PREX1: variants seen among roughly 807,000 people sequenced by gnomAD.
The protein encoded by PREX1 is phosphatidylinositol-3,4,5-trisphosphate dependent Rac exchange factor 1.
Under a neutral mutation model 198.3 loss-of-function variants are expected in PREX1, and 41 were observed. That is an observed-to-expected ratio of 0.21 (90% confidence interval 0.16 to 0.27). PREX1 has a LOEUF of 0.27. Among genes scored for constraint, PREX1 ranks in the 10% least tolerant of loss-of-function variants. The pLI is 1.00. For missense variants in PREX1, 1,620 were observed against 2,200.7 expected (o/e 0.74, Z 5.28); for synonymous variants, 843 against 887.2 (o/e 0.95, Z 0.89).
rs143682562 is a variant in PREX1 at position 48,630,743 on chromosome 20, C to T, written c.4578G>A (p.Ala1526=). The T allele has an allele frequency of 2.8e-5, 45 of 1,597,702 alleles. No homozygotes were observed. The highest frequency in any genetic ancestry group is 2.2e-5 in the East Asian group (1 of 44,786). Reference sequence around the variant, plus strand: ...GTGGACATACCTGGTCTATCTTTACCGCCGTGGTGCTGGCATCCGTGGGCA... The same window carrying T: ...GTGGACATACCTGGTCTATCTTTACTGCCGTGGTGCTGGCATCCGTGGGCA... ...SNLPTDASTT[A]VKIDQLIRPI... Residue 1526 remains alanine, a synonymous_variant, in exon 36 of 40, where the codon GCG becomes GCA. Coordinates refer to ENST00000371941, the MANE Select transcript of PREX1 (RefSeq NM_020820.4).
intron 1 of PREX1, among the ~76,000 whole-genome samples, chr20:48,811,585 C>T (rs1466901072): frequency 1.1e-4 from 16 of 150,542 alleles, no homozygotes; most frequent in African/African-American, 1.7e-4. Context: ...CACACACACA[C>T]GTGTGCATGC....
chr20:48,639,736 C>G, intron 30 of PREX1, 30 bp downstream of exon 30: 2 of 1,610,848 alleles, frequency 1.2e-6, no homozygotes, highest in Non-Finnish European at 1.7e-6. Context: ...GCCCCCTCCC[C>G]ACCATGATGC....
chr20:48,860,443 C>T, the PREX1 span, among the ~76,000 whole-genome samples: 1 of 152,172 alleles, frequency 6.6e-6, no homozygotes, highest in Non-Finnish European at 1.5e-5. Context: ...TGGAGCTGGA[C>T]GGTGGCGAAG....
upstream of PREX1, among the ~76,000 whole-genome samples, chr20:48,829,646 C>T (rs754474446): frequency 6.6e-6 from 1 of 152,126 alleles, no homozygotes; most frequent in Non-Finnish European, 1.5e-5. Context: ...ATTTTTATTC[C>T]TAATAAAGGC....
chr20:48,657,751 G>A (rs771873708), intron 17 of PREX1, among the ~76,000 whole-genome samples: 5 of 151,826 alleles, frequency 3.3e-5, no homozygotes, highest in African/African-American at 9.7e-5. Context: ...CTGAATCCTC[G>A]GCCAGCCACA....
chr20:48,777,306 G>A (rs1169276517), intron 1 of PREX1, among the ~76,000 whole-genome samples: 2 of 152,094 alleles, frequency 1.3e-5, no homozygotes, highest in South Asian at 2.1e-4. Flanking sequence ...TGAGGCCCAG[G>A]AGCCCCCGGC....
chr20:48,637,166 G>A (rs1352536917), intron 31 of PREX1, among the ~76,000 whole-genome samples: 1 of 152,190 alleles, frequency 6.6e-6, no homozygotes, highest in East Asian at 1.9e-4. Flanking sequence ...CCTTGACCTT[G>A]GCATGGTCTG....
intron 13 of PREX1, among the ~76,000 whole-genome samples, chr20:48,676,640 C>A (rs2089711382): frequency 6.6e-6 from 1 of 152,154 alleles, no homozygotes; most frequent in South Asian, 2.1e-4. Context: ...CTGCTGGCAT[C>A]CCGTGTGTAG....
In PREX1 at chr20:48,739,925, T is replaced by C. The variant is rs374815288; in HGVS notation, c.414+5100A>G. On this transcript the variant is annotated intron_variant, in intron 3 of 39. Transcript: ENST00000371941. ...GTTGTGAAGTTTTAATGAATGCATA[T>C]CTGTAAGGCACAGAGAACAGAACCC... Among the ~76,000 whole-genome samples, 6 of 152,172 alleles carry C rather than the reference T, an allele frequency of 3.9e-5. No individual in the cohort carries two copies. The East Asian group carries it at 9.6e-4, about 24-fold the overall frequency.
In PREX1 at chr20:48,663,514, T is replaced by G. The variant is rs117355319; in HGVS notation, c.1738+2769A>C. ...TGCACTCCAGCCTGGGTGACAAGAG[T>G]GAGACTTCGTCTCAAAAAACAAACT... On this transcript the variant is annotated intron_variant, in intron 15 of 39. Transcript: ENST00000371941. Among the ~76,000 whole-genome samples the G allele has an allele frequency of 5.3e-3, 810 of 152,244 alleles. 2 individuals carry two copies. The highest frequency in any genetic ancestry group is 7.6e-3 in the Non-Finnish European group (518 of 68,022).
chr20:48,632,194 C>T, intron 35 of PREX1, 83 bp downstream of exon 35: 1 of 1,333,862 alleles, frequency 7.5e-7, no homozygotes, highest in Non-Finnish European at 1.1e-6. Context: ...TGCTGGGGGT[C>T]CGCCTGGCAC....
the PREX1 span, among the ~76,000 whole-genome samples, chr20:48,864,152 C>A: frequency 6.6e-6 from 1 of 152,088 alleles, no homozygotes; most frequent in South Asian, 2.1e-4. Flanking sequence ...TACAAGAGGA[C>A]GCAGAGAATG....
At chr20:48,868,043 CA>C in the PREX1 span, among the ~76,000 whole-genome samples, 1 of 152,010 alleles carries the variant, frequency 6.6e-6, no homozygotes, top group Non-Finnish European at 1.5e-5. Flanking sequence ...TAGTAGTGTT[CA>C]GTACATTCTC....
intron 5 of PREX1, among the ~76,000 whole-genome samples, chr20:48,720,372 C>T (rs904314545): frequency 3.3e-5 from 5 of 152,146 alleles, no homozygotes; most frequent in Non-Finnish European, 7.4e-5. Context: ...GACAGGGGTT[C>T]AAGCTGGTTT....
At chr20:48,780,830 A>G (rs1337906549) in intron 1 of PREX1, among the ~76,000 whole-genome samples, 2 of 152,220 alleles carry the variant, frequency 1.3e-5, no homozygotes, top group African/African-American at 2.4e-5. Context: ...ATCTCCCCCA[A>G]AATGTCTAGT....
At chr20:48,811,342 T>G (rs1018857085) in intron 1 of PREX1, among the ~76,000 whole-genome samples, 1 of 152,072 alleles carries the variant, frequency 6.6e-6, no homozygotes, top group Non-Finnish European at 1.5e-5. Context: ...AACAATCCCG[T>G]GCAGGCTGAC....
At chr20:48,757,788 C>T (rs1176728469) in intron 1 of PREX1, among the ~76,000 whole-genome samples, 1 of 152,224 alleles carries the variant, frequency 6.6e-6, no homozygotes, top group African/African-American at 2.4e-5. Context: ...TCCCTGGGCA[C>T]ATTTCCTTGG....
chr20:48,721,770 G>A (rs951870016), intron 5 of PREX1, among the ~76,000 whole-genome samples: 2 of 152,210 alleles, frequency 1.3e-5, no homozygotes, highest in Admixed American at 1.3e-4. Flanking sequence ...CGCTGGGGCC[G>A]TGGCAGTGTC....
At chr20:48,723,192 T>C (rs1269472236) in intron 5 of PREX1, among the ~76,000 whole-genome samples, 1 of 152,192 alleles carries the variant, frequency 6.6e-6, no homozygotes, top group Non-Finnish European at 1.5e-5. Flanking sequence ...CTCAACATTG[T>C]GTGCCCACCC....
Sources: gnomAD v4.1 joint callset for allele counts (sites outside exome capture counted in the v4.1 genomes callset) on GRCh38, gnomAD v4.1.1 for gene constraint, MANE v1.5 for transcripts, NCBI Gene and HGNC (gene_info 2026-07-23, HGNC 2026-07-21) for gene names.